Variants in OR9Q1 observed in about 807,000 individuals in gnomAD.
The protein encoded by OR9Q1 is olfactory receptor family 9 subfamily Q member 1, also known as olfactory receptor 9Q1.
For missense variants in OR9Q1, 374 were observed against 378.8 expected, an observed-to-expected ratio of 0.99 and a Z score of 0.11; for synonymous variants, 153 against 148.6, an observed-to-expected ratio of 1.03 and a Z score of -0.22.
chr11:58,102,189 A>G (rs1316848960), intron 2 of OR9Q1, among the ~76,000 whole-genome samples: 1 of 152,054 alleles, frequency 6.6e-6, no homozygotes, highest in Non-Finnish European at 1.5e-5. Flanking sequence ...CAAGCTTACT[A>G]TTGGTAAGTG....
chr11:58,048,813 A>C (rs1853248256), intron 1 of OR9Q1, among the ~76,000 whole-genome samples: 1 of 123,408 alleles, frequency 8.1e-6, no homozygotes, highest in Non-Finnish European at 1.7e-5. Flanking sequence ...GAATACTACA[A>C]ACACCTCTAC....
chr11:58,033,738 A>C (rs747015654), intron 1 of OR9Q1, among the ~76,000 whole-genome samples: 1 of 152,088 alleles, frequency 6.6e-6, no homozygotes, highest in Non-Finnish European at 1.5e-5. Flanking sequence ...CTGCACATGT[A>C]CCCCCTGAAT....
intron 2 of OR9Q1, among the ~76,000 whole-genome samples, chr11:58,111,482 G>A (rs1853898607): frequency 6.6e-6 from 1 of 152,160 alleles, no homozygotes; most frequent in Non-Finnish European, 1.5e-5. Flanking sequence ...CCTCATGGAG[G>A]TCCATCGCCT....
At chr11:58,039,919 G>A (rs1296653168) in intron 1 of OR9Q1, among the ~76,000 whole-genome samples, 3 of 152,196 alleles carry the variant, frequency 2.0e-5, no homozygotes, top group Non-Finnish European at 4.4e-5. Flanking sequence ...ACAAATGCTT[G>A]TTTAGTGTTT....
At chr11:58,173,118 T>C (rs936128154) in intron 2 of OR9Q1, among the ~76,000 whole-genome samples, 1 of 152,062 alleles carries the variant, frequency 6.6e-6, no homozygotes, top group Non-Finnish European at 1.5e-5. Context: ...ATGGTCATGG[T>C]ATTTTCTTTA....
chr11:58,050,290 G>T (rs1027467959), intron 1 of OR9Q1, among the ~76,000 whole-genome samples: 6 of 144,128 alleles, frequency 4.2e-5, no homozygotes, highest in South Asian at 2.3e-4. Flanking sequence ...CAGAAATAAT[G>T]CCGCATATCT....
chr11:58,169,001 TC>T (rs1333405222), intron 2 of OR9Q1, among the ~76,000 whole-genome samples: 1 of 152,218 alleles, frequency 6.6e-6, no homozygotes, highest in African/African-American at 2.4e-5. Context: ...TTTATTAATT[TC>T]TGTATGCCTT....
At chr11:58,138,848 C>T (rs1362015084) in intron 2 of OR9Q1, among the ~76,000 whole-genome samples, 3 of 152,134 alleles carry the variant, frequency 2.0e-5, no homozygotes, top group Non-Finnish European at 4.4e-5. Flanking sequence ...CCATGCTGTA[C>T]CATAGATTTC....
chr11:58,157,953 A>G (rs887345834), intron 2 of OR9Q1, among the ~76,000 whole-genome samples: 3 of 152,202 alleles, frequency 2.0e-5, no homozygotes, highest in African/African-American at 7.2e-5. Context: ...TCTCTTAGTC[A>G]GGGATTGTTG....
intron 2 of OR9Q1, among the ~76,000 whole-genome samples, chr11:58,095,990 TA>T (rs1243531644): frequency 4.6e-5 from 7 of 151,732 alleles, no homozygotes; most frequent in Admixed American, 2.6e-4. Context: ...AAACTAATAA[TA>T]AAAAAAATGA....
intron 2 of OR9Q1, among the ~76,000 whole-genome samples, chr11:58,056,902 A>G (rs548119269): frequency 7.9e-5 from 12 of 151,864 alleles, no homozygotes; most frequent in African/African-American, 2.9e-4. Context: ...GGCTCCCTGT[A>G]GAACTCTAAG....
At chr11:58,155,918 C>CTTTTT (rs139275746) in intron 2 of OR9Q1, among the ~76,000 whole-genome samples, 1 of 140,426 alleles carries the variant, frequency 7.1e-6, no homozygotes, top group Non-Finnish European at 1.5e-5. Context: ...TCTTTTCCTT[C>CTTTTT]CTTTTTTTTT....
Position 58,109,294 on chromosome 11 carries a change from AAG to A in OR9Q1, c.-15+53348_-15+53349del, listed in dbSNP as rs150390009. 3,314 of 462,118 alleles carry A rather than the reference AAG, an allele frequency of 7.2e-3. 104 individuals are homozygous for A. Among genetic ancestry groups the A allele is most frequent in the African/African-American group, 0.057 (2,842 of 50,192 alleles). 28.6% of individuals were successfully genotyped at this position (462,118 alleles called of 1,614,324 possible). A position where few individuals can be genotyped will look rare whatever the true frequency, so the allele number is the denominator to read the frequency against. On this transcript the variant is annotated intron_variant, in intron 2 of 2. Transcript: ENST00000335397. ...GTGCAGTGGATTGCTAATGGCAACA[AAG>A]CGGTCATAGGCCATCACTGACAGCA...
chr11:58,161,239 TAA>T (rs201839734), intron 2 of OR9Q1, among the ~76,000 whole-genome samples: 107 of 113,856 alleles, frequency 9.4e-4, no homozygotes, highest in Admixed American at 1.7e-3. Flanking sequence ...ACGTAAAGTA[TAA>T]AAAAAAAAAA....
At position 58,043,793 on chromosome 11, in the gene OR9Q1, T is replaced by G. The variant is rs182349727; in HGVS notation, c.-92-12077T>G. 9.2e-5 allele frequency among the ~76,000 whole-genome samples: 14 copies of G among 152,330 alleles called. No homozygotes were observed. In the East Asian group the frequency reaches 2.7e-3, roughly 29 times the overall value. On this transcript the variant is annotated intron_variant, in intron 1 of 2. Coordinates refer to ENST00000335397, the MANE Select transcript of OR9Q1 (RefSeq NM_001005212.4). The stretch of plus-strand genomic sequence containing the variant: ...GCTCGATGCTTGAATATTTATTTAT[T>G]TATTACAGTATTGACTTCACTTTAT...
chr11:58,091,400 TC>T (rs1207777643), intron 2 of OR9Q1, among the ~76,000 whole-genome samples: 1 of 152,196 alleles, frequency 6.6e-6, no homozygotes, highest in Non-Finnish European at 1.5e-5. Flanking sequence ...TTTTGTTATT[TC>T]CCCAGTAGTC....
intron 2 of OR9Q1, among the ~76,000 whole-genome samples, chr11:58,071,541 G>C (rs952570040): frequency 6.6e-6 from 1 of 151,946 alleles, no homozygotes; most frequent in Non-Finnish European, 1.5e-5. Context: ...CTAGGGGAAA[G>C]AGCCTAGCGA....
intron 2 of OR9Q1, among the ~76,000 whole-genome samples, chr11:58,178,942 A>T (rs11229272): frequency 1.1e-4 from 10 of 92,082 alleles, no homozygotes; most frequent in Non-Finnish European, 1.9e-4. Context: ...ATTTATATAT[A>T]ATATATATTT....
chr11:58,062,636 C>T (rs565090200), intron 2 of OR9Q1, among the ~76,000 whole-genome samples: 2 of 152,308 alleles, frequency 1.3e-5, no homozygotes, highest in Non-Finnish European at 2.9e-5. Context: ...ATACTACCTG[C>T]TGTGCTGAAT....
Sources: allele counts gnomAD v4.1 joint callset (sites outside exome capture counted in the v4.1 genomes callset), GRCh38; gene constraint gnomAD v4.1.1; transcripts MANE v1.5; gene names NCBI Gene and HGNC (gene_info 2026-07-23, HGNC 2026-07-21).